Variants in HTR2C observed in about 807,000 individuals in gnomAD.
HTR2C encodes 5-hydroxytryptamine (serotonin) receptor 2C, G protein-coupled.
Under a neutral mutation model 21.0 loss-of-function variants are expected in HTR2C, and 5 were observed. That is an observed-to-expected ratio of 0.24 (90% CI 0.12 to 0.50). The LOEUF (loss-of-function observed/expected upper bound fraction) is 0.50. Among genes scored for constraint, HTR2C ranks in the 20% least tolerant of loss-of-function variants. The pLI is 0.98. For missense variants in HTR2C, 271 were observed against 371.2 expected, an observed-to-expected ratio of 0.73 and a Z score of 2.22; for synonymous variants, 150 against 145.3, an observed-to-expected ratio of 1.03 and a Z score of -0.23.
intron 2 of HTR2C, among the ~76,000 whole-genome samples, chrX:114,652,024 A>G (rs1556408568): frequency 1.8e-5 from 2 of 111,781 alleles, no homozygotes; most frequent in South Asian, 3.6e-4. Flanking sequence ...TTACCTCATG[A>G]TGATATCAGT....
At chrX:114,849,805 A>C (rs1021944385) in intron 5 of HTR2C, among the ~76,000 whole-genome samples, 5 of 111,994 alleles carry the variant, frequency 4.5e-5, no homozygotes, top group East Asian at 2.8e-4. Context: ...AACAAAAAAA[A>C]CCCCATAATC....
intron 4 of HTR2C, among the ~76,000 whole-genome samples, chrX:114,757,647 T>C (rs1157457713): frequency 9.0e-6 from 1 of 111,583 alleles, no homozygotes; most frequent in Non-Finnish European, 1.9e-5. Context: ...TCTCTGAAGG[T>C]TTGTATTCAC....
chrX:114,762,245 T>A (rs1408048205), intron 4 of HTR2C, among the ~76,000 whole-genome samples: 5 of 110,189 alleles, frequency 4.5e-5, no homozygotes, highest in Non-Finnish European at 9.5e-5. Context: ...TTGTCAAACC[T>A]AGACCAGAAC....
intron 1 of HTR2C, among the ~76,000 whole-genome samples, chrX:114,604,833 G>A (rs1339387517): frequency 1.8e-5 from 2 of 111,490 alleles, no homozygotes. Context: ...GGAAGTTCTT[G>A]TGTGCTGGAG....
chrX:114,678,549 G>A (rs1381739428), intron 2 of HTR2C, among the ~76,000 whole-genome samples: 2 of 111,514 alleles, frequency 1.8e-5, no homozygotes, highest in African/African-American at 6.5e-5. Context: ...CCATTCTGGG[G>A]AATGAATAGA....
intron 4 of HTR2C, among the ~76,000 whole-genome samples, chrX:114,799,098 T>G (rs1022232176): frequency 5.5e-5 from 6 of 109,910 alleles, no homozygotes; most frequent in Non-Finnish European, 1.1e-4. Context: ...AAAGCTATAA[T>G]AAGTGCCATA....
chrX:114,790,818 C>T (rs2070223842), intron 4 of HTR2C, among the ~76,000 whole-genome samples: 1 of 111,258 alleles, frequency 9.0e-6, no homozygotes, highest in Admixed American at 9.6e-5. Flanking sequence ...GAGTATTTTG[C>T]CCATTTCTTC....
At chrX:114,711,115 C>T (rs1192882716) in intron 2 of HTR2C, among the ~76,000 whole-genome samples, 1 of 111,814 alleles carries the variant, frequency 8.9e-6, no homozygotes, top group African/African-American at 3.2e-5. Flanking sequence ...GCCAATTCTT[C>T]TATCTTTGGC....
intron 2 of HTR2C, among the ~76,000 whole-genome samples, chrX:114,629,302 C>T (rs1556403666): frequency 1.8e-5 from 2 of 111,739 alleles, no homozygotes; most frequent in Admixed American, 9.6e-5. Context: ...GTGGGTAATG[C>T]TTACTTTTAA....
At chrX:114,671,948 A>G (rs901335262) in intron 2 of HTR2C, among the ~76,000 whole-genome samples, 3 of 111,871 alleles carry the variant, frequency 2.7e-5, no homozygotes, top group Admixed American at 9.6e-5. Flanking sequence ...CTGTTCATAG[A>G]AAAATGAATA....
chrX:114,895,339 T>C (rs1460490921), intron 5 of HTR2C, among the ~76,000 whole-genome samples: 2 of 111,903 alleles, frequency 1.8e-5, no homozygotes, highest in Admixed American at 9.5e-5. Context: ...ATGCAACTTA[T>C]CATAATTGAT....
At chrX:114,700,875 C>G (rs782515871) in intron 2 of HTR2C, among the ~76,000 whole-genome samples, 2 of 112,348 alleles carry the variant, frequency 1.8e-5, no homozygotes, top group Non-Finnish European at 3.8e-5. Flanking sequence ...GCTTTTCCGA[C>G]GGGCTTAAAA....
intron 1 of HTR2C, among the ~76,000 whole-genome samples, chrX:114,594,601 A>T (rs17096098): frequency 9.0e-6 from 1 of 111,501 alleles, no homozygotes; most frequent in Non-Finnish European, 1.9e-5. Flanking sequence ...GGAGATACTT[A>T]TACTTTCTAG....
At chrX:114,768,467 C>T (rs2147387319) in intron 4 of HTR2C, among the ~76,000 whole-genome samples, 1 of 110,594 alleles carries the variant, frequency 9.0e-6, no homozygotes, top group East Asian at 2.8e-4. Context: ...TGTATTTTCA[C>T]GTGTACCAAA....
At chrX:114,738,241 T>A (rs1220875983) in intron 4 of HTR2C, among the ~76,000 whole-genome samples, 1 of 111,447 alleles carries the variant, frequency 9.0e-6, no homozygotes, top group Non-Finnish European at 1.9e-5. Flanking sequence ...AATAATATTG[T>A]ATTGCATGCT....
intron 1 of HTR2C, among the ~76,000 whole-genome samples, chrX:114,608,211 T>C (rs1426269645): frequency 8.9e-6 from 1 of 111,749 alleles, no homozygotes; most frequent in Admixed American, 9.5e-5. Context: ...ATCTGCTTTT[T>C]CCTTCGAAGT....
rs191757864 is a variant in HTR2C at position 114,748,248 on chromosome X, G to T, written c.349+16641G>T. Among the ~76,000 whole-genome samples the T allele has an allele frequency of 6.2e-3, 687 of 111,592 alleles. 5 individuals carry two copies. Among genetic ancestry groups the T allele is most frequent in the African/African-American group, 0.021 (650 of 30,729 alleles). ...TGTATGCTGCAAACTTCAAAATACT[G>T]ATGAAATAAATTAAAGACCCAAATA... On this transcript the variant is annotated intron_variant, in intron 4 of 5. Transcript: ENST00000276198.
chrX:114,586,806 T>C (rs1556389813), intron 1 of HTR2C, among the ~76,000 whole-genome samples: 1 of 110,738 alleles, frequency 9.0e-6, no homozygotes, highest in Non-Finnish European at 1.9e-5. Flanking sequence ...ATACATAAAA[T>C]ATATATTATT....
intron 5 of HTR2C, among the ~76,000 whole-genome samples, chrX:114,905,398 A>G (rs1305656236): frequency 2.7e-5 from 3 of 111,919 alleles, no homozygotes; most frequent in Non-Finnish European, 3.8e-5. Context: ...GCATTGACTC[A>G]TTGTTTTTTT....
Sources: gnomAD v4.1 joint callset for allele counts (sites outside exome capture counted in the v4.1 genomes callset) on GRCh38, gnomAD v4.1.1 for gene constraint, MANE v1.5 for transcripts, NCBI Gene and HGNC (gene_info 2026-07-23, HGNC 2026-07-21) for gene names.